The following HDAC3 variants were observed in gnomAD, a reference collection of about 807,000 sequenced individuals.
HDAC3 encodes histone deacetylase 3, also known as SMAP45.
Under a neutral mutation model 62.3 loss-of-function variants are expected in HDAC3, and 21 were observed. That is an observed-to-expected ratio of 0.34 (90% confidence interval 0.24 to 0.49). HDAC3 has a LOEUF of 0.49. Among genes scored for constraint, HDAC3 ranks in the 20% least tolerant of loss-of-function variants. The pLI is 0.99. For missense variants in HDAC3, 270 were observed against 556.9 expected, an observed-to-expected ratio of 0.48 and a Z score of 5.19; for synonymous variants, 198 against 206.5, an observed-to-expected ratio of 0.96 and a Z score of 0.35.
intron 3 of HDAC3, among the ~76,000 whole-genome samples, chr5:141,630,611 T>C (rs2099905058): frequency 6.6e-6 from 1 of 152,238 alleles, no homozygotes; most frequent in Non-Finnish European, 1.5e-5. Flanking sequence ...GCTCAGCCTT[T>C]AATAAATGTC....
chr5:141,632,714 G>C (rs748780911), intron 3 of HDAC3, among the ~76,000 whole-genome samples: 2 of 152,208 alleles, frequency 1.3e-5, no homozygotes, highest in African/African-American at 2.4e-5. Context: ...GCAAGACAGA[G>C]CTCTATGGGC....
rs1596437990 is a variant in HDAC3 at position 141,626,341 on chromosome 5, C to T, written c.831-58G>A. 2 of 1,298,796 alleles carry T rather than the reference C, an allele frequency of 1.5e-6. No homozygotes were observed. Among genetic ancestry groups the T allele is most frequent in the South Asian group, 1.2e-5 (1 of 83,630 alleles). 80.5% of individuals were successfully genotyped at this position (1,298,796 alleles called of 1,614,324 possible). A position where few individuals can be genotyped will look rare whatever the true frequency, so the allele number is the denominator to read the frequency against. On this transcript the variant is annotated intron_variant, in intron 10 of 14. Coordinates refer to ENST00000305264, the MANE Select transcript of HDAC3 (RefSeq NM_003883.4). This position sits in a 1 kb window ranked among gnomAD's most constrained non-coding sequence, Gnocchi z 4.6. The stretch of plus-strand genomic sequence containing the variant: ...AGGTTATCAAAAGACAAGGTAAATA[C>T]CTTTAGGTATTGCCTGAAAGGAGCA...
At chr5:141,636,678 C>T in intron 1 of HDAC3, 48 bp from the exon 2 acceptor site, 1 of 1,612,482 alleles carries the variant, frequency 6.2e-7, no homozygotes, top group Non-Finnish European at 8.5e-7. Context: ...CCTGGAGTTG[C>T]AACCCCGCCT....
intron 2 of HDAC3, chr5:141,635,180 C>A: frequency 2.2e-6 from 1 of 460,348 alleles, no homozygotes; most frequent in South Asian, 3.1e-5. Context: ...CTCAGCCTAT[C>A]GTACCTTCTC....
In HDAC3 at chr5:141,634,664, TA is replaced by T. The variant is rs1427056176; in HGVS notation, c.281+146del. On this transcript the variant is annotated intron_variant, in intron 3 of 14. Coordinates refer to ENST00000305264, the MANE Select transcript of HDAC3 (RefSeq NM_003883.4). ...GGGCCTGCCTAGAACAAGTGACCAA[TA>T]AATATTTATTGAATAAACAAATAAA... 11 of 880,550 alleles carry T rather than the reference TA, an allele frequency of 1.2e-5. No individual in the cohort carries two copies. The Admixed American group carries it at 1.8e-4, about 15-fold the overall frequency. The allele number at this position is 880,550 out of a possible 1,614,324, so 54.5% of individuals were successfully genotyped here. A position where few individuals can be genotyped will look rare whatever the true frequency, so the allele number is the denominator to read the frequency against.
rs1175146162 is a variant in HDAC3, at chr5:141,626,739, T to A, written c.831-456A>T. Among the ~76,000 whole-genome samples, 2 of 149,006 alleles carry A rather than the reference T, an allele frequency of 1.3e-5. No individual in the cohort carries two copies. Among genetic ancestry groups the A allele is most frequent in the African/African-American group, 5.0e-5 (2 of 40,178 alleles). On this transcript the variant is annotated intron_variant, in intron 10 of 14. Transcript: ENST00000305264. The surrounding 1 kb of genome is among the most constrained non-coding windows in gnomAD (Gnocchi z 4.6). The stretch of plus-strand genomic sequence containing the variant: ...GCCTGGGTGACAGAGCAAGACTCCA[T>A]CTCAAAAAAGAAAAAAAAAAACATA...
At position 141,636,442 on chromosome 5, in the gene HDAC3, A is replaced by G. The variant is rs116972968; in HGVS notation, c.138+106T>C. The G allele has an allele frequency of 1.8e-4, 181 of 980,500 alleles. 2 individuals are homozygous for G. In the East Asian group the frequency reaches 4.4e-3, roughly 24 times the overall value. The allele number at this position is 980,500 out of a possible 1,614,324, so 60.7% of individuals were successfully genotyped here. A position where few individuals can be genotyped will look rare whatever the true frequency, so the allele number is the denominator to read the frequency against. On this transcript the variant is annotated intron_variant, in intron 2 of 14. Transcript: ENST00000305264. ...CTGGTGACTTCTATCCAGCTCCCCG[A>G]TACTCTAGGGGCGGGTCGCACTTCA...
chr5:141,624,364 G>A (rs1423732359), intron 14 of HDAC3, among the ~76,000 whole-genome samples: 13 of 90,608 alleles, frequency 1.4e-4, no homozygotes, highest in South Asian at 4.3e-4. Context: ...GCAAGACTCC[G>A]TCTCTACCAA....
Position 141,629,823 on chromosome 5 carries a change from G to A in HDAC3, c.420+37C>T. 2 of 1,612,390 alleles carry A rather than the reference G, an allele frequency of 1.2e-6. No homozygotes were observed. Among genetic ancestry groups the A allele is most frequent in the Non-Finnish European group, 1.7e-6 (2 of 1,178,510 alleles). ...ACCATCATCCTAAACACCTACCCTA[G>A]GATGGCCACTGTCTTTCCCATCACC... is the stretch of plus-strand genomic sequence containing the variant. On this transcript the variant is annotated intron_variant, in intron 5 of 14. Transcript: ENST00000305264. This position sits in a 1 kb window ranked among gnomAD's most constrained non-coding sequence, Gnocchi z 5.3.
rs1336175246 is a variant in HDAC3 at position 141,634,818 on chromosome 5, C to T, written c.274G>A (p.Asp92Asn). The T allele has an allele frequency of 1.2e-6, 2 of 1,613,746 alleles. No individual in the cohort carries two copies. Among genetic ancestry groups the T allele is most frequent in the African/African-American group, 1.3e-5 (1 of 75,004 alleles). Reference sequence around the variant, plus strand: ...CTCCCAGTCCTCCCTCACCAGTCATCGCCTACGTTGAAGGCATTAAGACTC... The same window carrying T: ...CTCCCAGTCCTCCCTCACCAGTCATTGCCTACGTTGAAGGCATTAAGACTC... Reference protein sequence around the residue: ...TKSLNAFNVGDDCPVFPGLFE... With the variant: ...TKSLNAFNVGNDCPVFPGLFE... The change falls in exon 3 of 15, where the codon GAT becomes AAT. Residue 92 changes from aspartate (D) to asparagine (N), a missense_variant. Transcript: ENST00000305264.
intron 3 of HDAC3, among the ~76,000 whole-genome samples, chr5:141,633,744 T>C (rs2099905563): frequency 6.7e-6 from 1 of 149,378 alleles, no homozygotes; most frequent in South Asian, 2.1e-4. Flanking sequence ...GAGAATCGCT[T>C]GAACCCAGGA....
rs2099904406 is a variant in HDAC3, at chr5:141,626,282, C to G, written c.832G>C (p.Glu278Gln). ...CFNLSIRGHG[E>Q]CVEYVKSFNI... ...AAGCTCTTGACATATTCAACGCATT[C>G]CCTGTTAAAAGGAACCAGAGGAAGA... Residue 278 changes from glutamate to glutamine, a missense_variant and splice_region_variant, in exon 11 of 15, where the codon GAA becomes CAA. Around this residue, in one of 5 missense-constraint regions of HDAC3, gnomAD observed 156 missense variants for 383.9 expected, o/e 0.41. Coordinates refer to ENST00000305264, the MANE Select transcript of HDAC3 (RefSeq NM_003883.4). This position sits in a 1 kb window ranked among gnomAD's most constrained non-coding sequence, Gnocchi z 4.6. 1.2e-6 allele frequency: 2 copies of G among 1,613,488 alleles called. No homozygotes were observed. Among genetic ancestry groups the G allele is most frequent in the East Asian group, 4.5e-5 (2 of 44,870 alleles).
intron 14 of HDAC3, among the ~76,000 whole-genome samples, chr5:141,622,121 G>C (rs1350702258): frequency 6.6e-6 from 1 of 152,160 alleles, no homozygotes; most frequent in Non-Finnish European, 1.5e-5. Flanking sequence ...CCTGGATGTA[G>C]GTAAGGGCTA....
At chr5:141,634,661 C>G (rs1369337628) in intron 3 of HDAC3, 150 bp downstream of exon 3, 1 of 857,710 alleles carries the variant, frequency 1.2e-6, no homozygotes, top group Non-Finnish European at 1.8e-6. Context: ...AACAAGTGAC[C>G]AATAAATATT....
chr5:141,623,136 G>T (rs1273093657), intron 14 of HDAC3, among the ~76,000 whole-genome samples: 1 of 151,938 alleles, frequency 6.6e-6, no homozygotes, highest in East Asian at 1.9e-4. Flanking sequence ...AAAAAAGAAA[G>T]AAAGAAAGTT....
At position 141,621,443 on chromosome 5, in the gene HDAC3, T is replaced by C. The variant is rs762652619; in HGVS notation, c.*25A>G. 21 of 1,608,398 alleles carry C rather than the reference T, an allele frequency of 1.3e-5. 1 individual carries two copies. In the South Asian group the frequency reaches 2.3e-4, roughly 18 times the overall value. Reference sequence around the variant, plus strand: ...AACCAAGAGGTGAAAAGAAATTCCTTGGGACACAGCATCCCAAGCCACTCT... The same window carrying C: ...AACCAAGAGGTGAAAAGAAATTCCTCGGGACACAGCATCCCAAGCCACTCT... On this transcript the variant is annotated 3_prime_UTR_variant, in exon 15 of 15. Coordinates refer to ENST00000305264, the MANE Select transcript of HDAC3 (RefSeq NM_003883.4).
At chr5:141,632,325 T>C (rs1036496401) in intron 3 of HDAC3, among the ~76,000 whole-genome samples, 22 of 151,962 alleles carry the variant, frequency 1.4e-4, no homozygotes, top group African/African-American at 5.3e-4. Context: ...GCGCCCGGCT[T>C]GGGACTACTT....
intron 14 of HDAC3, among the ~76,000 whole-genome samples, chr5:141,624,578 A>T (rs35522809): frequency 1.4e-5 from 2 of 147,528 alleles, no homozygotes; most frequent in African/African-American, 5.0e-5. Flanking sequence ...AAAAAAAAAA[A>T]TTAATGCACA....
intron 2 of HDAC3, among the ~76,000 whole-genome samples, chr5:141,635,459 G>A (rs549703152): frequency 6.6e-6 from 1 of 152,304 alleles, no homozygotes; most frequent in South Asian, 2.1e-4. Flanking sequence ...GGTACATACA[G>A]GCAAACAATC....
Sources: allele counts gnomAD v4.1 joint callset (sites outside exome capture counted in the v4.1 genomes callset), GRCh38; gene constraint gnomAD v4.1.1; regional missense constraint gnomAD v4.1.1; non-coding constraint Gnocchi (gnomAD v3.1); transcripts MANE v1.5; gene names NCBI Gene and HGNC (gene_info 2026-07-23, HGNC 2026-07-21).